CCDC192: variants seen among roughly 807,000 people sequenced by gnomAD.
CCDC192 encodes the protein coiled-coil domain-containing protein 192.
rs149531298 is a variant in CCDC192 at position 127,884,321 on chromosome 5, C to T, written c.535+8660C>T. On this transcript the variant is annotated intron_variant, in intron 6 of 6. Coordinates refer to ENST00000514853, the MANE Select transcript of CCDC192 (RefSeq NM_001317938.2). ...TTGTGCCACTGAACTCCAGCCTGGGCGACAGAGCAAGACTCCGTCTCAAAA... is the reference window on the plus strand; with the variant it reads ...TTGTGCCACTGAACTCCAGCCTGGGTGACAGAGCAAGACTCCGTCTCAAAA... 5.2e-3 allele frequency among the ~76,000 whole-genome samples: 461 copies of T among 89,490 alleles called. 5 individuals are homozygous for T. Among genetic ancestry groups the T allele is most frequent in the African/African-American group, 0.017 (437 of 26,026 alleles). The allele number at this position is 89,490 out of a possible 152,430, so 58.7% of individuals were successfully genotyped here.
At chr5:127,724,448 T>C (rs1287037952) in intron 2 of CCDC192, among the ~76,000 whole-genome samples, 1 of 152,208 alleles carries the variant, frequency 6.6e-6, no homozygotes, top group Non-Finnish European at 1.5e-5. Flanking sequence ...GATAATTATG[T>C]TATTGAAAAT....
At position 127,897,568 on chromosome 5, in the gene CCDC192, G is replaced by A. The variant is rs12521354; in HGVS notation, c.535+21907G>A. On this transcript the variant is annotated intron_variant, in intron 6 of 6. Transcript: ENST00000514853. ...TAGAGGAAGAAATAGGACCTCGGAG[G>A]ATTTTTAATATTATTCAATGGAAAA... Among the ~76,000 whole-genome samples, 1,013 of 152,248 alleles carry A rather than the reference G, an allele frequency of 6.7e-3. 7 individuals are homozygous for A. Among genetic ancestry groups the A allele is most frequent in the Non-Finnish European group, 0.011 (758 of 68,016 alleles).
chr5:127,737,068 C>G (rs7728783), intron 2 of CCDC192, among the ~76,000 whole-genome samples: 1,704 of 147,332 alleles, frequency 0.012, 20 homozygotes, highest in African/African-American at 0.032. Context: ...TGGGCATTTA[C>G]TGCTATAAAT....
intron 6 of CCDC192, among the ~76,000 whole-genome samples, chr5:127,926,616 A>G (rs1753869517): frequency 6.6e-6 from 1 of 152,196 alleles, no homozygotes; most frequent in Admixed American, 6.5e-5. Context: ...GCATGGGGGT[A>G]AAGGAGAAAC....
At chr5:127,780,398 A>T (rs1378845571) in intron 3 of CCDC192, among the ~76,000 whole-genome samples, 1 of 152,220 alleles carries the variant, frequency 6.6e-6, no homozygotes, top group Admixed American at 6.5e-5. Context: ...GAATCTTCAC[A>T]CTGTTTTCCA....
At chr5:127,898,801 G>T (rs923531533) in intron 6 of CCDC192, among the ~76,000 whole-genome samples, 5 of 152,176 alleles carry the variant, frequency 3.3e-5, no homozygotes, top group Non-Finnish European at 4.4e-5. Flanking sequence ...CTGTGACTGA[G>T]ATGGTTCAAG....
At position 127,740,816 on chromosome 5, in the gene CCDC192, A is replaced by C. The variant is rs577161736; in HGVS notation, c.115-13452A>C. ...ATCACTTTACTCATGAGCTGACTTG[A>C]AAGTCCTACAGGCATGTGCGTTTCC... On this transcript the variant is annotated intron_variant, in intron 2 of 6. Coordinates refer to ENST00000514853, the MANE Select transcript of CCDC192 (RefSeq NM_001317938.2). 3.9e-5 allele frequency among the ~76,000 whole-genome samples: 6 copies of C among 152,294 alleles called. No individual in the cohort carries two copies. The East Asian group carries it at 1.2e-3, about 29-fold the overall frequency.
intron 3 of CCDC192, among the ~76,000 whole-genome samples, chr5:127,778,429 A>G (rs879838992): frequency 6.6e-6 from 1 of 152,120 alleles, no homozygotes; most frequent in Non-Finnish European, 1.5e-5. Context: ...CCATTTTTAG[A>G]TATTGAACCA....
At chr5:127,889,823 C>T (rs944116994) in intron 6 of CCDC192, among the ~76,000 whole-genome samples, 5 of 152,238 alleles carry the variant, frequency 3.3e-5, no homozygotes, top group African/African-American at 1.2e-4. Context: ...TTCTGCACAC[C>T]TCTTTCTGAA....
chr5:127,862,916 T>C (rs1012237657), intron 5 of CCDC192, among the ~76,000 whole-genome samples: 1 of 123,784 alleles, frequency 8.1e-6, no homozygotes, highest in Non-Finnish European at 1.7e-5. Flanking sequence ...TAGCATAGAC[T>C]GTTCCTTTAT....
intron 5 of CCDC192, among the ~76,000 whole-genome samples, chr5:127,862,637 A>G (rs555667078): frequency 5.9e-5 from 9 of 152,328 alleles, no homozygotes; most frequent in African/African-American, 2.2e-4. Context: ...ACTATAGAAC[A>G]ATAGGGGAAA....
intron 6 of CCDC192, among the ~76,000 whole-genome samples, chr5:127,904,573 G>A (rs1252249999): frequency 6.7e-6 from 1 of 149,314 alleles, no homozygotes; most frequent in Non-Finnish European, 1.5e-5. Context: ...CATGATCTCG[G>A]CTCACTGCAG....
chr5:127,779,884 CT>C (rs1176912459), intron 3 of CCDC192, among the ~76,000 whole-genome samples: 1 of 152,022 alleles, frequency 6.6e-6, no homozygotes, highest in Non-Finnish European at 1.5e-5. Context: ...CCTCACCCCC[CT>C]CCCACCCTTT....
intron 6 of CCDC192, chr5:127,935,203 T>G (rs1754154344): frequency 6.6e-6 from 1 of 152,198 alleles, no homozygotes; most frequent in South Asian, 2.1e-4. Flanking sequence ...AAGCTGCAGC[T>G]GTGGAGCCAA....
At chr5:127,707,613 G>C (rs187154280) in intron 1 of CCDC192, 96 bp from the exon 2 acceptor site, 2 of 392,394 alleles carry the variant, frequency 5.1e-6, no homozygotes, top group Admixed American at 4.4e-5. Flanking sequence ...AAATGTTACA[G>C]TGTAATGATC....
intron 5 of CCDC192, among the ~76,000 whole-genome samples, chr5:127,851,590 T>C (rs571633931): frequency 6.6e-6 from 1 of 152,256 alleles, no homozygotes; most frequent in South Asian, 2.1e-4. Flanking sequence ...CCTGAGTAGG[T>C]GGAATTACAG....
intron 3 of CCDC192, chr5:127,785,270 C>G (rs919174018): frequency 2.0e-6 from 1 of 500,604 alleles, no homozygotes; most frequent in African/African-American, 1.9e-5. Flanking sequence ...CATTCCAACC[C>G]TAGGGGAAGG....
intron 2 of CCDC192, among the ~76,000 whole-genome samples, chr5:127,750,091 A>G (rs1357945151): frequency 3.9e-4 from 59 of 151,644 alleles, no homozygotes; most frequent in African/African-American, 1.2e-3. Flanking sequence ...TTTTTTGAAG[A>G]GTTTTTTGTG....
chr5:127,750,292 C>G (rs563964198), intron 2 of CCDC192, among the ~76,000 whole-genome samples: 1 of 152,220 alleles, frequency 6.6e-6, no homozygotes, highest in African/African-American at 2.4e-5. Flanking sequence ...TGAATGCATC[C>G]CAGAGATTCT....
Sources: allele counts gnomAD v4.1 joint callset (sites outside exome capture counted in the v4.1 genomes callset), GRCh38; gene constraint gnomAD v4.1.1; transcripts MANE v1.5; gene names NCBI Gene and HGNC (gene_info 2026-07-23, HGNC 2026-07-21).